The following B4GALNT3 variants were observed in gnomAD, a reference collection of about 807,000 sequenced individuals.
B4GALNT3 encodes beta-1,4-N-acetyl-galactosaminyltransferase 3.
Under a neutral mutation model 120.2 loss-of-function variants are expected in B4GALNT3, and 86 were observed. The ratio of observed to expected loss-of-function variants is 0.72; its 90% CI spans 0.60 to 0.86. The LOEUF is 0.86. B4GALNT3 is among the 40% of genes least tolerant of loss of function. The pLI is 0.00. For missense variants in B4GALNT3, 1,167 were observed against 1,298.9 expected, an observed-to-expected ratio of 0.90 and a Z score of 1.56; for synonymous variants, 518 against 510.4, an observed-to-expected ratio of 1.01 and a Z score of -0.20.
chr12:549,686 G>A (rs752522603), intron 9 of B4GALNT3, 83 bp from the exon 10 acceptor site: 50 of 1,556,278 alleles, frequency 3.2e-5, no homozygotes, highest in South Asian at 5.6e-5. Flanking sequence ...CCCCTTCTGC[G>A]TCTCTTCCCT....
chr12:467,914 ATCAC>A (rs1457751198), intron 1 of B4GALNT3, among the ~76,000 whole-genome samples: 2 of 152,208 alleles, frequency 1.3e-5, no homozygotes, highest in African/African-American at 2.4e-5. Context: ...AAGTTGCATA[ATCAC>A]TCAGATTTCT....
At chr12:514,636 T>G (rs1421480144) in intron 1 of B4GALNT3, among the ~76,000 whole-genome samples, 1 of 152,140 alleles carries the variant, frequency 6.6e-6, no homozygotes, top group East Asian at 1.9e-4. Context: ...CTTATTTATG[T>G]CTGATCACTG....
At chr12:481,464 T>G (rs1184180674) in intron 1 of B4GALNT3, among the ~76,000 whole-genome samples, 1 of 152,220 alleles carries the variant, frequency 6.6e-6, no homozygotes, top group Non-Finnish European at 1.5e-5. Context: ...CCAGTCACTC[T>G]TGATTCTCGT....
chr12:555,185 A>T (rs1161281791), intron 14 of B4GALNT3: 1 of 333,620 alleles, frequency 3.0e-6, no homozygotes, highest in African/African-American at 2.2e-5. Context: ...CTCAAAAAAA[A>T]AGAAAAAGAA....
chr12:516,989 T>G (rs1304240675), intron 1 of B4GALNT3, among the ~76,000 whole-genome samples: 1 of 152,074 alleles, frequency 6.6e-6, no homozygotes, highest in African/African-American at 2.4e-5. Flanking sequence ...GTTTGAAGAT[T>G]TTTGACCTGG....
chr12:536,123 C>A, intron 2 of B4GALNT3, 95 bp from the exon 3 acceptor site: 1 of 975,958 alleles, frequency 1.0e-6, no homozygotes, highest in Non-Finnish European at 1.6e-6. Flanking sequence ...TGCTCCGAGC[C>A]GACGCCTCCT....
chr12:494,623 A>G (rs1946371849), intron 1 of B4GALNT3, among the ~76,000 whole-genome samples: 1 of 152,106 alleles, frequency 6.6e-6, no homozygotes, highest in Admixed American at 6.5e-5. Context: ...TCCTGAGCAT[A>G]TGGTTTTCCC....
intron 1 of B4GALNT3, among the ~76,000 whole-genome samples, chr12:514,373 A>G (rs957167092): frequency 1.3e-5 from 2 of 151,320 alleles, no homozygotes; most frequent in Admixed American, 1.3e-4. Flanking sequence ...AATTTTTTGT[A>G]TTTTTAGTAG....
At chr12:552,343 A>C in intron 12 of B4GALNT3, 124 bp from the exon 13 acceptor site, 1 of 990,316 alleles carries the variant, frequency 1.0e-6, no homozygotes, top group Non-Finnish European at 1.6e-6. Flanking sequence ...ACACCCGCTC[A>C]CCAGCCTCCT....
In B4GALNT3 at chr12:459,965, G is replaced by C. The variant is rs530347443; in HGVS notation, c.-412G>C. Among the ~76,000 whole-genome samples the C allele has an allele frequency of 7.8e-3, 1,186 of 151,300 alleles. 20 individuals are homozygous for C. The highest frequency in any genetic ancestry group is 0.028 in the African/African-American group (1,154 of 41,330). On this transcript the variant is annotated 5_prime_UTR_variant, in exon 1 of 20. Transcript: ENST00000266383. ...GGTTCCGCGAGCAGGAGAGCCCAGA[G>C]CCCGGAGCCCGGTCCGGGGCTGGCG...
At position 536,301 on chromosome 12, in the gene B4GALNT3, G is replaced by A; in HGVS notation, c.351+6G>A. 6.2e-7 allele frequency: 1 copy of A among 1,608,176 alleles called. No homozygotes were observed. Among genetic ancestry groups the A allele is most frequent in the African/African-American group, 1.3e-5 (1 of 74,858 alleles). The stretch of plus-strand genomic sequence containing the variant: ...CTGTCCCCTGGCTCTCAGAGGTGAG[G>A]GACTTTCTATTGTACCTGCCCTTTG... On this transcript the variant is annotated splice_donor_region_variant and intron_variant, in intron 3 of 19. Transcript: ENST00000266383.
chr12:488,868 T>C (rs1026047879), intron 1 of B4GALNT3, among the ~76,000 whole-genome samples: 2 of 150,358 alleles, frequency 1.3e-5, no homozygotes, highest in Admixed American at 6.7e-5. Flanking sequence ...TTTACTTGTA[T>C]GTTGTAAACT....
rs760826026 is a variant in B4GALNT3 at position 552,380 on chromosome 12, G to A, written c.1209-87G>A. The A allele has an allele frequency of 1.8e-5, 25 of 1,381,350 alleles. No individual in the cohort carries two copies. The African/African-American group carries it at 2.2e-4, about 12-fold the overall frequency. 85.6% of individuals were successfully genotyped at this position (1,381,350 alleles called of 1,614,324 possible). On this transcript the variant is annotated intron_variant, in intron 12 of 19. Coordinates refer to ENST00000266383, the MANE Select transcript of B4GALNT3 (RefSeq NM_173593.4). ...CCTCCACTCTAGTCTGGGGCAAAACGTCAGACTCCTGCTGAGACTTCCAGC... is the reference window on the plus strand; with the variant it reads ...CCTCCACTCTAGTCTGGGGCAAAACATCAGACTCCTGCTGAGACTTCCAGC...
intron 1 of B4GALNT3, among the ~76,000 whole-genome samples, chr12:495,442 G>A (rs576638144): frequency 1.6e-4 from 24 of 152,196 alleles, no homozygotes; most frequent in African/African-American, 5.8e-4. Context: ...CAAACGTACC[G>A]TAAGAAACAA....
At chr12:511,980 G>A (rs1201430562) in intron 1 of B4GALNT3, among the ~76,000 whole-genome samples, 16 of 107,352 alleles carry the variant, frequency 1.5e-4, no homozygotes, top group Admixed American at 1.2e-3. Context: ...TCCGCCTTCC[G>A]CATTCCGCCT....
chr12:506,593 C>T (rs548206604), intron 1 of B4GALNT3, among the ~76,000 whole-genome samples: 8 of 152,236 alleles, frequency 5.3e-5, no homozygotes, highest in Middle Eastern at 3.4e-3. Context: ...TACACATACA[C>T]ATAGAGGCTC....
At chr12:519,068 T>C (rs1459117727) in intron 1 of B4GALNT3, among the ~76,000 whole-genome samples, 1 of 152,192 alleles carries the variant, frequency 6.6e-6, no homozygotes. Context: ...AAGAAGCCAA[T>C]TCAAAATAAA....
rs1481084126 is a variant in B4GALNT3, at chr12:536,205, A to G, written c.274-13A>G. 6.2e-6 allele frequency: 10 copies of G among 1,611,462 alleles called. No individual in the cohort carries two copies. The highest frequency in any genetic ancestry group is 8.5e-6 in the Non-Finnish European group (10 of 1,177,768). ...AATATTCCTACCAACTTCGTTCTTC[A>G]TTCTTCCCCTAGGACCACGACATTG... On this transcript the variant is annotated splice_polypyrimidine_tract_variant and intron_variant, in intron 2 of 19. Transcript: ENST00000266383.
At chr12:538,041 T>G (rs899978778) in intron 3 of B4GALNT3, among the ~76,000 whole-genome samples, 1 of 152,222 alleles carries the variant, frequency 6.6e-6, no homozygotes, top group Non-Finnish European at 1.5e-5. Flanking sequence ...GATAGTACTT[T>G]GAAAAGAACT....
Sources: allele counts gnomAD v4.1 joint callset (sites outside exome capture counted in the v4.1 genomes callset), GRCh38; gene constraint gnomAD v4.1.1; transcripts MANE v1.5; gene names NCBI Gene and HGNC (gene_info 2026-07-23, HGNC 2026-07-21).